IMMP2L: variants seen among roughly 807,000 people sequenced by gnomAD.
IMMP2L encodes the protein mitochondrial inner membrane protease subunit 2.
IMMP2L carries 18 observed loss-of-function variants against 19.3 expected under a neutral mutation model. The ratio of observed to expected loss-of-function variants is 0.93; its 90% CI spans 0.64 to 1.38. The LOEUF is 1.38. Ranked by LOEUF, IMMP2L falls within the 40% of genes most tolerant of loss-of-function variation. The pLI, the probability that IMMP2L is intolerant of heterozygous loss-of-function variation, is 0.00. For synonymous variants in IMMP2L, 76 were observed against 73.0 expected, an observed-to-expected ratio of 1.04 and a Z score of -0.21; for missense variants, 233 against 218.2, an observed-to-expected ratio of 1.07 and a Z score of -0.43.
In IMMP2L at chr7:111,369,784, A is replaced by ATAAAGG. The variant is rs1431194997; in HGVS notation, c.239+117453_239+117454insCCTTTA. Among the ~76,000 whole-genome samples the ATAAAGG allele has an allele frequency of 7.9e-5, 12 of 151,986 alleles. No homozygotes were observed. In the East Asian group the frequency reaches 2.1e-3, roughly 27 times the overall value. ...TCTCATAAAAGTTTTATCTCCCTAG[A>ATAAAGG]CCTAGGCTTAGATATACTATTTGTT... On this transcript the variant is annotated intron_variant, in intron 3 of 5. Coordinates refer to ENST00000405709, the MANE Select transcript of IMMP2L (RefSeq NM_032549.4).
intron 3 of IMMP2L, among the ~76,000 whole-genome samples, chr7:111,059,758 A>G (rs1793845805): frequency 6.6e-6 from 1 of 152,138 alleles, no homozygotes; most frequent in African/African-American, 2.4e-5. Flanking sequence ...CCAAGGGTAA[A>G]CTTAATATCC....
chr7:111,200,859 A>G (rs1586801652), intron 3 of IMMP2L, among the ~76,000 whole-genome samples: 1 of 152,200 alleles, frequency 6.6e-6, no homozygotes, highest in Non-Finnish European at 1.5e-5. Context: ...ACCCATTAAC[A>G]TAACTGCCAA....
chr7:111,411,272 C>T lies in IMMP2L; in HGVS notation c.239+75966G>A, dbSNP rs1834397725. ...AACTGTGAGACTAAAAATCATACAG[C>T]CAGATCAAATATTTTTCAAAAATGA... On this transcript the variant is annotated intron_variant, in intron 3 of 5. Coordinates refer to ENST00000405709, the MANE Select transcript of IMMP2L (RefSeq NM_032549.4). The T allele has an allele frequency of 2.5e-5, 5 of 198,408 alleles. No homozygotes were observed. The South Asian group carries it at 3.8e-4, about 15-fold the overall frequency. 12.3% of individuals were successfully genotyped at this position (198,408 alleles called of 1,614,324 possible).
intron 3 of IMMP2L, among the ~76,000 whole-genome samples, chr7:111,345,488 A>C (rs553232375): frequency 1.3e-5 from 2 of 152,312 alleles, no homozygotes; most frequent in Admixed American, 1.3e-4. Context: ...ACAGCATGCA[A>C]ATACAGAAGA....
intron 3 of IMMP2L, among the ~76,000 whole-genome samples, chr7:111,006,983 T>C (rs957181912): frequency 2.9e-4 from 44 of 152,246 alleles, no homozygotes; most frequent in African/African-American, 1.0e-3. Context: ...CCTCCTCCCA[T>C]TTTCTCTTGA....
chr7:111,392,861 G>A (rs1269474040), intron 3 of IMMP2L: 1 of 456,400 alleles, frequency 2.2e-6, no homozygotes, highest in Non-Finnish European at 4.4e-6. Flanking sequence ...TAAATCTAGT[G>A]AGGTCTGGAA....
intron 3 of IMMP2L, among the ~76,000 whole-genome samples, chr7:111,081,467 G>A (rs1241248982): frequency 6.6e-6 from 1 of 152,176 alleles, no homozygotes; most frequent in Non-Finnish European, 1.5e-5. Flanking sequence ...CTTTGTAACA[G>A]TGGTCTTCCA....
At chr7:111,310,416 ATAGCT>A (rs1333855802) in intron 3 of IMMP2L, among the ~76,000 whole-genome samples, 1 of 152,094 alleles carries the variant, frequency 6.6e-6, no homozygotes, top group African/African-American at 2.4e-5. Flanking sequence ...AAGAAACTCT[ATAGCT>A]TAAAATTAAC....
At chr7:110,867,220 T>A (rs1034105810) in intron 5 of IMMP2L, among the ~76,000 whole-genome samples, 1 of 152,008 alleles carries the variant, frequency 6.6e-6, no homozygotes, top group African/African-American at 2.4e-5. Flanking sequence ...GCTCTCTTAC[T>A]GACTTGCTGA....
intron 5 of IMMP2L, among the ~76,000 whole-genome samples, chr7:110,759,679 A>T (rs867221388): frequency 6.6e-6 from 1 of 152,140 alleles, no homozygotes; most frequent in African/African-American, 2.4e-5. Context: ...ATGTATGTAC[A>T]GACAGACTTA....
chr7:110,975,871 C>T, intron 3 of IMMP2L, among the ~76,000 whole-genome samples: 1 of 152,070 alleles, frequency 6.6e-6, no homozygotes, highest in East Asian at 1.9e-4. Flanking sequence ...GTTTTTCCTG[C>T]TTACTTTTAG....
chr7:111,496,672 T>C (rs989135856), intron 2 of IMMP2L, among the ~76,000 whole-genome samples: 2 of 152,184 alleles, frequency 1.3e-5, no homozygotes, highest in Admixed American at 1.3e-4. Flanking sequence ...CTCCAGGTCC[T>C]CTGACTTTTA....
At chr7:111,337,244 T>G (rs1383145823) in intron 3 of IMMP2L, among the ~76,000 whole-genome samples, 3 of 152,094 alleles carry the variant, frequency 2.0e-5, no homozygotes, top group African/African-American at 7.2e-5. Context: ...ATACACTAAA[T>G]AGTTTATTTT....
chr7:110,722,289 G>A (rs1795623968), intron 5 of IMMP2L, among the ~76,000 whole-genome samples: 2 of 152,066 alleles, frequency 1.3e-5, no homozygotes, highest in South Asian at 2.1e-4. Flanking sequence ...ATTACTAATA[G>A]TAGAATTCAT....
intron 5 of IMMP2L, among the ~76,000 whole-genome samples, chr7:110,871,310 C>T (rs1808516639): frequency 6.6e-6 from 1 of 152,060 alleles, no homozygotes; most frequent in Non-Finnish European, 1.5e-5. Flanking sequence ...GAAGACAGCA[C>T]TTAAAAACAC....
chr7:110,781,618 A>G (rs1799751601), intron 5 of IMMP2L, among the ~76,000 whole-genome samples: 4 of 151,848 alleles, frequency 2.6e-5, no homozygotes, highest in Admixed American at 2.6e-4. Context: ...ATGGACTAAA[A>G]TATTCATTTT....
intron 5 of IMMP2L, among the ~76,000 whole-genome samples, chr7:110,677,150 GAGA>G (rs1338396428): frequency 6.6e-6 from 1 of 152,140 alleles, no homozygotes; most frequent in Non-Finnish European, 1.5e-5. Flanking sequence ...AAGAAAAAGT[GAGA>G]AGAACAAAAT....
At chr7:110,782,258 A>G (rs930744241) in intron 5 of IMMP2L, among the ~76,000 whole-genome samples, 11 of 151,962 alleles carry the variant, frequency 7.2e-5, no homozygotes, top group Admixed American at 5.3e-4. Flanking sequence ...TACAATTCCA[A>G]TCCTCAGAAA....
intron 5 of IMMP2L, among the ~76,000 whole-genome samples, chr7:110,723,723 G>T (rs1288790010): frequency 6.6e-6 from 1 of 152,018 alleles, no homozygotes. Context: ...TCTGGTTATG[G>T]CCATGGAGCC....
Sources: gnomAD v4.1 joint callset for allele counts (sites outside exome capture counted in the v4.1 genomes callset) on GRCh38, gnomAD v4.1.1 for gene constraint, MANE v1.5 for transcripts, NCBI Gene and HGNC (gene_info 2026-07-23, HGNC 2026-07-21) for gene names.